ERBB4: variants seen among roughly 807,000 people sequenced by gnomAD.
The protein encoded by ERBB4 is erb-b2 receptor tyrosine kinase 4.
A neutral mutation model predicts 158.0 loss-of-function variants in ERBB4; 42 were observed. The ratio of observed to expected loss-of-function variants is 0.27; its 90% CI spans 0.21 to 0.34. The LOEUF (loss-of-function observed/expected upper bound fraction) is 0.34. Ranked by LOEUF, ERBB4 falls within the 10% of genes least tolerant of loss-of-function variation. The pLI is 1.00. For missense variants in ERBB4, 1,333 were observed against 1,624.1 expected (o/e 0.82, Z 3.08); for synonymous variants, 583 against 558.7 (o/e 1.04, Z -0.61).
At chr2:211,472,108 A>C (rs913369316) in intron 20 of ERBB4, among the ~76,000 whole-genome samples, 63 of 152,216 alleles carry the variant, frequency 4.1e-4, no homozygotes, top group African/African-American at 1.5e-3. Flanking sequence ...TTGGTTATCC[A>C]ATTGGAAAAA....
chr2:212,251,013 AGTTT>A (rs1214072282), intron 1 of ERBB4, among the ~76,000 whole-genome samples: 2 of 151,966 alleles, frequency 1.3e-5, no homozygotes, highest in Non-Finnish European at 2.9e-5. Flanking sequence ...TTATGGAGTT[AGTTT>A]GTTTATCAAA....
At chr2:211,834,904 A>T (rs1177487680) in intron 3 of ERBB4, among the ~76,000 whole-genome samples, 1 of 152,158 alleles carries the variant, frequency 6.6e-6, no homozygotes, top group African/African-American at 2.4e-5. Flanking sequence ...CAAATTTCAA[A>T]TGGTAAAGTC....
chr2:212,345,794 A>C (rs1381455013), intron 1 of ERBB4, among the ~76,000 whole-genome samples: 1 of 152,136 alleles, frequency 6.6e-6, no homozygotes, highest in Non-Finnish European at 1.5e-5. Context: ...GTAAATCCTA[A>C]AATAATTACT....
chr2:212,055,220 C>T (rs1172942716), intron 2 of ERBB4, among the ~76,000 whole-genome samples: 2 of 152,194 alleles, frequency 1.3e-5, no homozygotes, highest in East Asian at 1.9e-4. Context: ...AGTCTGAGAT[C>T]GATCTGCAAG....
At chr2:211,696,406 C>T (rs572040039) in intron 12 of ERBB4, among the ~76,000 whole-genome samples, 200 of 152,064 alleles carry the variant, frequency 1.3e-3, no homozygotes, top group South Asian at 2.3e-3. Context: ...CCACTGTGCC[C>T]AGCTATGTAT....
In ERBB4 at chr2:212,286,767, A is replaced by ATTTTTTTTTTTTTTTTT. The variant is rs748586400; in HGVS notation, c.83-161881_83-161865dup. Among the ~76,000 whole-genome samples, 352 of 39,552 alleles carry ATTTTTTTTTTTTTTTTT rather than the reference A, an allele frequency of 8.9e-3. 98 individuals carry two copies. The highest frequency in any genetic ancestry group is 0.077 in the Middle Eastern group (2 of 26). 25.9% of individuals were successfully genotyped at this position (39,552 alleles called of 152,430 possible). The stretch of plus-strand genomic sequence containing the variant: ...TAGGCGGGTGGCACCATGAGGGTTA[A>ATTTTTTTTTTTTTTTTT]TTTTTTTTTTTTTTTTTTTTTTTGT... On this transcript the variant is annotated intron_variant, in intron 1 of 27. Coordinates refer to ENST00000342788, the MANE Select transcript of ERBB4 (RefSeq NM_005235.3).
At chr2:212,191,999 T>C (rs545911658) in intron 1 of ERBB4, among the ~76,000 whole-genome samples, 1,232 of 79,552 alleles carry the variant, frequency 0.015, 9 homozygotes, top group Non-Finnish European at 0.024. Flanking sequence ...GTTATATATG[T>C]TATATATAAT....
At chr2:211,691,827 G>A (rs1327970427) in intron 12 of ERBB4, among the ~76,000 whole-genome samples, 1 of 152,038 alleles carries the variant, frequency 6.6e-6, no homozygotes, top group Non-Finnish European at 1.5e-5. Context: ...AACTGACATG[G>A]GCAGCATATG....
At chr2:211,656,600 A>G (rs7567959) in intron 16 of ERBB4, among the ~76,000 whole-genome samples, 90,945 of 152,016 alleles carry the variant, frequency 0.6, 27,773 homozygotes, top group African/African-American at 0.68. Flanking sequence ...TAGTTCCATT[A>G]TCTCCTCAAA....
At chr2:212,095,101 T>C (rs1050509379) in intron 2 of ERBB4, among the ~76,000 whole-genome samples, 3 of 152,170 alleles carry the variant, frequency 2.0e-5, no homozygotes, top group Non-Finnish European at 2.9e-5. Flanking sequence ...TTACACCTTA[T>C]GTCATCTTGA....
chr2:211,999,781 A>G (rs543389154), intron 2 of ERBB4, among the ~76,000 whole-genome samples: 53 of 151,826 alleles, frequency 3.5e-4, no homozygotes, highest in Non-Finnish European at 3.4e-4. Flanking sequence ...CAATTTGCTA[A>G]TATTTTAGGT....
intron 25 of ERBB4, among the ~76,000 whole-genome samples, chr2:211,393,745 G>A (rs1287524163): frequency 0.092 from 2,309 of 24,982 alleles, 46 homozygotes; most frequent in African/African-American, 0.24. Context: ...AATAGCGTGT[G>A]TGTGTGTGTG....
intron 1 of ERBB4, among the ~76,000 whole-genome samples, chr2:212,314,467 T>C (rs2087185110): frequency 6.6e-6 from 1 of 151,054 alleles, no homozygotes; most frequent in Admixed American, 6.6e-5. Flanking sequence ...AACAGTTAAA[T>C]TAATTCATTA....
rs112948413 is a variant in ERBB4 at position 212,229,391 on chromosome 2, G to A, written c.83-104488C>T. On this transcript the variant is annotated intron_variant, in intron 1 of 27. Coordinates refer to ENST00000342788, the MANE Select transcript of ERBB4 (RefSeq NM_005235.3). ...ATATTTGTTGCTGATGGGCAATGGT[G>A]CTCTAGGTAGAAGGAAACATATATG... 8.4e-3 allele frequency among the ~76,000 whole-genome samples: 1,274 copies of A among 152,254 alleles called. 20 individuals are homozygous for A. Among genetic ancestry groups the A allele is most frequent in the African/African-American group, 0.029 (1,208 of 41,548 alleles).
intron 4 of ERBB4, among the ~76,000 whole-genome samples, chr2:211,787,088 T>C (rs1353421061): frequency 6.6e-6 from 1 of 152,188 alleles, no homozygotes. Context: ...AATTTAATAA[T>C]TGTCCCTTGG....
chr2:212,167,623 G>A (rs145477507), intron 1 of ERBB4, among the ~76,000 whole-genome samples: 1 of 152,074 alleles, frequency 6.6e-6, no homozygotes, highest in Non-Finnish European at 1.5e-5. Flanking sequence ...TCATTCTACT[G>A]TAAAGATGCA....
At chr2:212,052,317 G>A (rs1284460025) in intron 2 of ERBB4, among the ~76,000 whole-genome samples, 2 of 152,188 alleles carry the variant, frequency 1.3e-5, no homozygotes, top group African/African-American at 2.4e-5. Flanking sequence ...CAGACTGAAA[G>A]CTGCACTGTT....
At chr2:211,726,793 C>T (rs1029007653) in intron 5 of ERBB4, among the ~76,000 whole-genome samples, 6 of 152,114 alleles carry the variant, frequency 3.9e-5, no homozygotes, top group Admixed American at 2.6e-4. Context: ...AGTGTTGATT[C>T]ACAGTATGAA....
chr2:212,085,307 A>G (rs2078569958), intron 2 of ERBB4, among the ~76,000 whole-genome samples: 1 of 151,960 alleles, frequency 6.6e-6, no homozygotes, highest in African/African-American at 2.4e-5. Context: ...TGAAAATTTT[A>G]TATTATTTAC....
Sources: allele counts gnomAD v4.1 joint callset (sites outside exome capture counted in the v4.1 genomes callset), GRCh38; gene constraint gnomAD v4.1.1; transcripts MANE v1.5; gene names NCBI Gene and HGNC (gene_info 2026-07-23, HGNC 2026-07-21).